The following SLAMF6 variants were observed in gnomAD, a reference collection of about 807,000 sequenced individuals.
SLAMF6 encodes SLAM family member 6.
SLAMF6 carries 21 observed loss-of-function variants against 38.3 expected under a neutral mutation model. The ratio of observed to expected loss-of-function variants is 0.55; its 90% CI spans 0.39 to 0.79. SLAMF6 has a LOEUF of 0.79. Among genes scored for constraint, SLAMF6 ranks in the 30% least tolerant of loss-of-function variants. The pLI is 0.00. For synonymous variants in SLAMF6, 152 were observed against 146.3 expected (o/e 1.04, Z -0.28); for missense variants, 341 against 385.3 (o/e 0.89, Z 0.96).
chr1:160,492,287 G>A (rs79614916), intron 2 of SLAMF6, among the ~76,000 whole-genome samples: 5,425 of 152,246 alleles, frequency 0.036, 110 homozygotes, highest in Middle Eastern at 0.075. Flanking sequence ...GTAGTACTTT[G>A]AGCTTAGTTG....
Position 160,490,198 on chromosome 1 carries a change from C to T in SLAMF6, c.796G>A (p.Ala266Thr), listed in dbSNP as rs767536541. The change falls in exon 5 of 8, where the codon GCA (alanine) becomes ACA (threonine). Residue 266 changes from alanine (A) to threonine (T), a missense_variant and splice_region_variant. Ala to Thr is a moderately conservative substitution (Grantham distance 58, BLOSUM62 0). Transcript: ENST00000368057. ...GAGAGTTAAGAGTCTGAATGCTCAC[C>T]GGGGCCCTGTGTTCGCTGAGTAGAC... ...SLSTQRTQGP[A>T]ESARNLEYVS... 18 of 1,613,718 alleles carry T rather than the reference C, an allele frequency of 1.1e-5. No homozygotes were observed. The South Asian group carries it at 1.2e-4, about 11-fold the overall frequency.
intron 6 of SLAMF6, 147 bp downstream of exon 6, chr1:160,488,941 T>A (rs1571279090): frequency 1.4e-6 from 1 of 694,328 alleles, no homozygotes; most frequent in East Asian, 2.7e-5. Flanking sequence ...CAGAGTGGTC[T>A]AGCGCATAAC....
At chr1:160,506,863 T>C (rs781349030) in intron 1 of SLAMF6, among the ~76,000 whole-genome samples, 1 of 151,992 alleles carries the variant, frequency 6.6e-6, no homozygotes, top group Non-Finnish European at 1.5e-5. Flanking sequence ...AGAGGTTAAA[T>C]GTAACACTGA....
chr1:160,504,368 T>A (rs1210289519), intron 1 of SLAMF6, among the ~76,000 whole-genome samples: 2 of 152,138 alleles, frequency 1.3e-5, no homozygotes, highest in Non-Finnish European at 2.9e-5. Context: ...CAAAATGTCA[T>A]GTTGTACAGC....
chr1:160,496,520 A>G (rs1653590565), intron 1 of SLAMF6, 127 bp from the exon 2 acceptor site: 4 of 894,504 alleles, frequency 4.5e-6, no homozygotes, highest in Non-Finnish European at 6.9e-6. Flanking sequence ...GATATGACAG[A>G]GTAGGAAAGG....
intron 1 of SLAMF6, among the ~76,000 whole-genome samples, chr1:160,520,330 A>G (rs1654927330): frequency 2.6e-5 from 4 of 152,018 alleles, no homozygotes; most frequent in Admixed American, 2.6e-4. Context: ...AACACACTCA[A>G]AGTTAGTTTC....
chr1:160,515,910 C>A (rs147577246), intron 1 of SLAMF6, among the ~76,000 whole-genome samples: 2 of 152,176 alleles, frequency 1.3e-5, no homozygotes, highest in East Asian at 3.9e-4. Context: ...ACTGAATGGG[C>A]AAAACTGGAA....
intron 1 of SLAMF6, among the ~76,000 whole-genome samples, chr1:160,503,467 A>G (rs1336139387): frequency 6.6e-6 from 1 of 152,086 alleles, no homozygotes; most frequent in African/African-American, 2.4e-5. Context: ...ACTTTCTCCA[A>G]TGATTATAGC....
intron 1 of SLAMF6, among the ~76,000 whole-genome samples, chr1:160,511,086 A>G (rs1654448515): frequency 6.6e-6 from 1 of 152,238 alleles, no homozygotes; most frequent in African/African-American, 2.4e-5. Context: ...AAGAAAATCT[A>G]AATAAATGGA....
chr1:160,491,041 A>G (rs1009724807), intron 3 of SLAMF6, 84 bp downstream of exon 3: 2 of 1,538,382 alleles, frequency 1.3e-6, no homozygotes, highest in Non-Finnish European at 1.8e-6. Flanking sequence ...CCACTGGGCC[A>G]CTGTATTGGA....
chr1:160,521,878 T>C (rs1437435016), intron 1 of SLAMF6, among the ~76,000 whole-genome samples: 2 of 152,174 alleles, frequency 1.3e-5, no homozygotes, highest in Non-Finnish European at 2.9e-5. Context: ...TCCTTCTTGA[T>C]TTATTTCTTC....
In SLAMF6 at chr1:160,486,396, C is replaced by CTG; in HGVS notation, c.*309_*310dup. On this transcript the variant is annotated 3_prime_UTR_variant, in exon 8 of 8. Coordinates refer to ENST00000368057, the MANE Select transcript of SLAMF6 (RefSeq NM_001184714.2). ...GGTTGTCTTCTGGATCATAAACTCT[C>CTG]TGTCAACCATAATTCCATTTGCTTA... 1 of 309,542 alleles carries CTG rather than the reference C, an allele frequency of 3.2e-6. No individual in the cohort carries two copies. Among genetic ancestry groups the CTG allele is most frequent in the Non-Finnish European group, 6.1e-6 (1 of 162,914 alleles). 19.2% of individuals were successfully genotyped at this position (309,542 alleles called of 1,614,324 possible). A position where few individuals can be genotyped will look rare whatever the true frequency, so the allele number is the denominator to read the frequency against.
chr1:160,514,747 G>A (rs993588590), intron 1 of SLAMF6, among the ~76,000 whole-genome samples: 2 of 152,136 alleles, frequency 1.3e-5, no homozygotes, highest in Non-Finnish European at 2.9e-5. Context: ...ACCTGCTCCT[G>A]CATGACTCCT....
chr1:160,519,165 C>A (rs1654876206), intron 1 of SLAMF6, among the ~76,000 whole-genome samples: 1 of 152,100 alleles, frequency 6.6e-6, no homozygotes, highest in East Asian at 1.9e-4. Flanking sequence ...ATAGACATTT[C>A]TCCAAAGAGG....
Position 160,522,601 on chromosome 1 carries a change from G to A in SLAMF6, c.49+543C>T, listed in dbSNP as rs373877957. Among the ~76,000 whole-genome samples the A allele has an allele frequency of 4.8e-4, 71 of 149,316 alleles. 1 individual carries two copies. The South Asian group carries it at 0.013, about 27-fold the overall frequency. ...TTGCTGGACTAGCTAGCCCTAATTT[G>A]CACTAAAGGAGGGGAGAGATGGAAA... On this transcript the variant is annotated intron_variant, in intron 1 of 7. Coordinates refer to ENST00000368057, the MANE Select transcript of SLAMF6 (RefSeq NM_001184714.2).
At position 160,488,943 on chromosome 1, in the gene SLAMF6, G is replaced by A. The variant is rs545822600; in HGVS notation, c.879+145C>T. ...GAAAGGCAGACACCAGAGTGGTCTAGCGCATAACTTTGCAGCCCCTGTCGC... is the reference window on the plus strand; with the variant it reads ...GAAAGGCAGACACCAGAGTGGTCTAACGCATAACTTTGCAGCCCCTGTCGC... On this transcript the variant is annotated intron_variant, in intron 6 of 7. Coordinates refer to ENST00000368057, the MANE Select transcript of SLAMF6 (RefSeq NM_001184714.2). 5 of 702,196 alleles carry A rather than the reference G, an allele frequency of 7.1e-6. No homozygotes were observed. The Admixed American group carries it at 1.1e-4, about 15-fold the overall frequency. The allele number at this position is 702,196 out of a possible 1,614,324, so 43.5% of individuals were successfully genotyped here. A position where few individuals can be genotyped will look rare whatever the true frequency, so the allele number is the denominator to read the frequency against.
chr1:160,493,216 G>A (rs896943111), intron 2 of SLAMF6, among the ~76,000 whole-genome samples: 1 of 152,070 alleles, frequency 6.6e-6, no homozygotes, highest in Non-Finnish European at 1.5e-5. Flanking sequence ...GGCCTCCTTG[G>A]TGTTTCTTGA....
chr1:160,505,063 G>A (rs1392864434), intron 1 of SLAMF6, among the ~76,000 whole-genome samples: 1 of 152,140 alleles, frequency 6.6e-6, no homozygotes, highest in Non-Finnish European at 1.5e-5. Context: ...TCCTTCTGGT[G>A]TTCAAAGAAA....
intron 2 of SLAMF6, among the ~76,000 whole-genome samples, chr1:160,494,469 G>C (rs1304001682): frequency 1.3e-5 from 2 of 151,974 alleles, no homozygotes; most frequent in African/African-American, 4.8e-5. Flanking sequence ...GCCTGTAGTG[G>C]GTTGAATAAT....
Sources: allele counts gnomAD v4.1 joint callset (sites outside exome capture counted in the v4.1 genomes callset), GRCh38; gene constraint gnomAD v4.1.1; transcripts MANE v1.5; gene names NCBI Gene and HGNC (gene_info 2026-07-23, HGNC 2026-07-21).